The following PDE11A variants were observed in gnomAD, a reference collection of about 807,000 sequenced individuals.
PDE11A encodes the protein phosphodiesterase 11A, also known as dual 3',5'-cyclic-AMP and -GMP phosphodiesterase 11A.
Under a neutral mutation model 100.5 loss-of-function variants are expected in PDE11A, and 100 were observed. The ratio of observed to expected loss-of-function variants is 1.00; its 90% CI spans 0.85 to 1.18. The LOEUF is 1.18. PDE11A is among the 50% of genes most tolerant of loss of function. The pLI, the probability that PDE11A is intolerant of heterozygous loss-of-function variation, is 0.00. For missense variants in PDE11A, 1,141 were observed against 1,152.6 expected (o/e 0.99, Z 0.15); for synonymous variants, 381 against 420.8 (o/e 0.91, Z 1.16).
intron 15 of PDE11A, among the ~76,000 whole-genome samples, chr2:177,691,431 C>T (rs779897156): frequency 1.8e-4 from 28 of 152,180 alleles, no homozygotes; most frequent in Non-Finnish European, 3.1e-4. Context: ...AGCATGCTAA[C>T]ACAAAGTGTG....
chr2:177,849,708 T>C (rs570982067), intron 5 of PDE11A, among the ~76,000 whole-genome samples: 46 of 151,270 alleles, frequency 3.0e-4, no homozygotes, highest in Middle Eastern at 3.4e-3. Flanking sequence ...GAGAATGGCG[T>C]GAACCCGGGA....
chr2:177,825,426 G>A (rs1478113241), intron 6 of PDE11A, among the ~76,000 whole-genome samples: 4 of 152,196 alleles, frequency 2.6e-5, no homozygotes, highest in South Asian at 2.1e-4. Context: ...GGCAGAGTGT[G>A]AGGAGAGTGA....
intron 9 of PDE11A, among the ~76,000 whole-genome samples, chr2:177,800,831 A>G (rs921479775): frequency 6.6e-6 from 1 of 152,190 alleles, no homozygotes; most frequent in African/African-American, 2.4e-5. Flanking sequence ...ATTAGTACAT[A>G]AGTTTGCTCC....
intron 19 of PDE11A, among the ~76,000 whole-genome samples, chr2:177,642,810 A>G (rs1382247236): frequency 6.6e-6 from 1 of 152,178 alleles, no homozygotes; most frequent in African/African-American, 2.4e-5. Context: ...TTTAGACGTG[A>G]CATGTCATGG....
intron 1 of PDE11A, among the ~76,000 whole-genome samples, chr2:178,037,113 A>T (rs1026923537): frequency 6.6e-6 from 1 of 152,248 alleles, no homozygotes; most frequent in African/African-American, 2.4e-5. Context: ...AAATGTTTGC[A>T]ATCTATCCAT....
chr2:177,632,790 T>A (rs547276073), intron 19 of PDE11A, among the ~76,000 whole-genome samples: 1 of 152,304 alleles, frequency 6.6e-6, no homozygotes, highest in East Asian at 1.9e-4. Flanking sequence ...GAGGTTGTCA[T>A]AGGGGAAGTG....
chr2:178,058,745 C>T (rs1333303548), intron 1 of PDE11A, among the ~76,000 whole-genome samples: 4 of 152,168 alleles, frequency 2.6e-5, no homozygotes, highest in Non-Finnish European at 4.4e-5. Context: ...TAGCATCTGC[C>T]TTCAAGGAGC....
At position 177,845,990 on chromosome 2, in the gene PDE11A, G is replaced by A. The variant is rs531510912; in HGVS notation, c.1368-5607C>T. On this transcript the variant is annotated intron_variant, in intron 5 of 19. Coordinates refer to ENST00000286063, the MANE Select transcript of PDE11A (RefSeq NM_016953.4). ...CAGCAGTACAGTCCAGCTTCGGCTCGGCATGAGAGGGAGACCGTGGAAAGA... is the reference window on the plus strand; with the variant it reads ...CAGCAGTACAGTCCAGCTTCGGCTCAGCATGAGAGGGAGACCGTGGAAAGA... Among the ~76,000 whole-genome samples the A allele has an allele frequency of 6.6e-5, 10 of 151,218 alleles. No homozygotes were observed. The South Asian group carries it at 8.6e-4, about 13-fold the overall frequency.
intron 2 of PDE11A, among the ~76,000 whole-genome samples, chr2:178,007,927 C>T (rs2086231468): frequency 6.6e-6 from 1 of 152,012 alleles, no homozygotes; most frequent in Non-Finnish European, 1.5e-5. Flanking sequence ...AGGCTGGTCT[C>T]GAACTCCTGA....
intron 6 of PDE11A, among the ~76,000 whole-genome samples, chr2:177,839,762 A>G (rs1185591372): frequency 6.6e-6 from 1 of 152,250 alleles, no homozygotes; most frequent in Non-Finnish European, 1.5e-5. Flanking sequence ...ACACATATGT[A>G]CATAGAGACA....
intron 6 of PDE11A, among the ~76,000 whole-genome samples, chr2:177,831,519 G>A (rs1333480783): frequency 1.3e-5 from 2 of 152,144 alleles, no homozygotes; most frequent in Non-Finnish European, 2.9e-5. Flanking sequence ...ATACCCACTG[G>A]TGTCATGAAT....
At chr2:177,700,469 C>G (rs115506069) in intron 14 of PDE11A, among the ~76,000 whole-genome samples, 2,807 of 150,348 alleles carry the variant, frequency 0.019, 33 homozygotes, top group Middle Eastern at 0.031. Flanking sequence ...CAATTTAAAA[C>G]TCAGATGCCG....
At position 178,072,210 on chromosome 2, in the gene PDE11A, A is replaced by T; in HGVS notation, c.228T>A (p.Thr76=). Residue 76 remains threonine, a synonymous_variant, in exon 1 of 20, where the codon ACT becomes ACA. Coordinates refer to ENST00000286063, the MANE Select transcript of PDE11A (RefSeq NM_016953.4). The stretch of plus-strand genomic sequence containing the variant: ...GGCTGTGGGCAGAGCCATTTGGTCC[A>T]GTGCCACCACCAACGCTGCTGCCAC... ...CRGGSSVGGG[T]GPNGSAHSQP... The T allele has an allele frequency of 6.2e-7, 1 of 1,613,792 alleles. No homozygotes were observed. The highest frequency in any genetic ancestry group is 2.2e-5 in the East Asian group (1 of 44,864).
intron 1 of PDE11A, among the ~76,000 whole-genome samples, chr2:178,030,705 G>A (rs1343208999): frequency 6.6e-6 from 1 of 151,988 alleles, no homozygotes; most frequent in Non-Finnish European, 1.5e-5. Flanking sequence ...GTGGAACACT[G>A]TCTCTATAAA....
intron 5 of PDE11A, among the ~76,000 whole-genome samples, chr2:177,864,468 T>C (rs952724590): frequency 6.6e-6 from 1 of 152,122 alleles, no homozygotes; most frequent in Non-Finnish European, 1.5e-5. Context: ...ATACCTTAAA[T>C]ATACATAATA....
intron 1 of PDE11A, among the ~76,000 whole-genome samples, chr2:178,057,569 T>C (rs1360284420): frequency 6.6e-5 from 10 of 152,222 alleles, no homozygotes; most frequent in Non-Finnish European, 1.0e-4. Context: ...TAAATAAACA[T>C]ATGAAATGCA....
intron 2 of PDE11A, among the ~76,000 whole-genome samples, chr2:177,937,077 T>C (rs1412558998): frequency 6.6e-6 from 1 of 152,156 alleles, no homozygotes; most frequent in Non-Finnish European, 1.5e-5. Flanking sequence ...GGCATCTCTT[T>C]ACACATTTCA....
chr2:177,686,167 T>C (rs1472704654), intron 15 of PDE11A, among the ~76,000 whole-genome samples: 2 of 152,204 alleles, frequency 1.3e-5, no homozygotes, highest in Non-Finnish European at 2.9e-5. Flanking sequence ...ATAAGTTCTA[T>C]TTACTCTGTC....
At position 177,623,663 on chromosome 2, in the gene PDE11A, A is replaced by G. The variant is rs1404579992; in HGVS notation, c.*5744T>C. 1.3e-5 allele frequency: 2 copies of G among 152,256 alleles called. No individual in the cohort carries two copies. The highest frequency in any genetic ancestry group is 2.9e-5 in the Non-Finnish European group (2 of 68,042). 9.4% of individuals were successfully genotyped at this position (152,256 alleles called of 1,614,324 possible). A position where few individuals can be genotyped will look rare whatever the true frequency, so the allele number is the denominator to read the frequency against. ...TTGAGATTCGAATACACACGCATAT[A>G]CACACAGAAAATGAACACAGATATA... On this transcript the variant is annotated 3_prime_UTR_variant, in exon 20 of 20. Transcript: ENST00000286063.
Sources: allele counts gnomAD v4.1 joint callset (sites outside exome capture counted in the v4.1 genomes callset), GRCh38; gene constraint gnomAD v4.1.1; transcripts MANE v1.5; gene names NCBI Gene and HGNC (gene_info 2026-07-23, HGNC 2026-07-21).